The following SMYD3 variants were observed in gnomAD, a reference collection of about 807,000 sequenced individuals.
The protein encoded by SMYD3 is SET and MYND domain containing 3.
In SMYD3, 36 loss-of-function variants were observed where a neutral mutation model predicts 57.7. The ratio of observed to expected loss-of-function variants is 0.62; its 90% CI spans 0.48 to 0.82. The LOEUF (loss-of-function observed/expected upper bound fraction) is 0.82, where lower values mean the gene tolerates loss of function less well. SMYD3 is among the 40% of genes least tolerant of loss of function. The probability of loss-of-function intolerance (pLI) is 0.00; values close to 1 mark genes in which losing one functional copy is unlikely to be tolerated. For missense variants in SMYD3, 515 were observed against 538.8 expected (o/e 0.96, Z 0.44); for synonymous variants, 211 against 195.0 (o/e 1.08, Z -0.68).
chr1:246,179,548 C>T (rs1476894381), intron 5 of SMYD3, among the ~76,000 whole-genome samples: 1 of 152,168 alleles, frequency 6.6e-6, no homozygotes, highest in East Asian at 1.9e-4. Context: ...TCTTATGAGA[C>T]AGCTGATTTA....
chr1:245,939,374 C>T (rs558263666), intron 5 of SMYD3, among the ~76,000 whole-genome samples: 1 of 152,166 alleles, frequency 6.6e-6, no homozygotes, highest in African/African-American at 2.4e-5. Context: ...ACCTGTAATC[C>T]CAACACTTTG....
intron 5 of SMYD3, among the ~76,000 whole-genome samples, chr1:246,013,453 T>C (rs1558151117): frequency 6.6e-6 from 1 of 152,242 alleles, no homozygotes; most frequent in Non-Finnish European, 1.5e-5. Flanking sequence ...GTGCTGGGGC[T>C]ACAGGCATGA....
chr1:246,230,181 T>C (rs1292715778), intron 5 of SMYD3, among the ~76,000 whole-genome samples: 1 of 152,230 alleles, frequency 6.6e-6, no homozygotes, highest in Non-Finnish European at 1.5e-5. Flanking sequence ...TCTTCTGAAC[T>C]ACATGCTATT....
intron 5 of SMYD3, among the ~76,000 whole-genome samples, chr1:245,985,933 C>A (rs562106280): frequency 6.6e-6 from 1 of 152,088 alleles, no homozygotes; most frequent in Admixed American, 6.5e-5. Flanking sequence ...CCTAACACTG[C>A]GCCATTCAAA....
At chr1:246,481,161 A>C (rs2068094147) in intron 1 of SMYD3, among the ~76,000 whole-genome samples, 1 of 152,142 alleles carries the variant, frequency 6.6e-6, no homozygotes, top group Admixed American at 6.5e-5. Flanking sequence ...TAGACTATAG[A>C]TGTAATTAAT....
intron 1 of SMYD3, among the ~76,000 whole-genome samples, chr1:246,402,681 C>T (rs748275509): frequency 6.6e-6 from 1 of 152,190 alleles, no homozygotes; most frequent in Non-Finnish European, 1.5e-5. Context: ...CTATGTGAGG[C>T]TTCCTAAACA....
Position 245,868,751 on chromosome 1 carries a change from G to A in SMYD3, c.814-4865C>T, listed in dbSNP as rs549001554. On this transcript the variant is annotated intron_variant, in intron 8 of 11. Coordinates refer to ENST00000490107, the MANE Select transcript of SMYD3 (RefSeq NM_001167740.2). ...TCACCTCCCTGGAGTGTTCCACTAC[G>A]GTAACTGCCTCTCAGGTTCCAACTT... Among the ~76,000 whole-genome samples, 26 of 152,178 alleles carry A rather than the reference G, an allele frequency of 1.7e-4. No homozygotes were observed. In the East Asian group the frequency reaches 3.5e-3, roughly 20 times the overall value.
intron 1 of SMYD3, among the ~76,000 whole-genome samples, chr1:246,368,147 C>T (rs542480495): frequency 6.6e-6 from 1 of 152,270 alleles, no homozygotes; most frequent in East Asian, 1.9e-4. Flanking sequence ...CTTCAGTCTT[C>T]CAGTATACAA....
At chr1:245,827,977 A>G (rs189056006) in intron 10 of SMYD3, among the ~76,000 whole-genome samples, 15 of 152,340 alleles carry the variant, frequency 9.8e-5, no homozygotes, top group African/African-American at 3.6e-4. Flanking sequence ...GTGGGCAGAC[A>G]CGAGGAAAGA....
chr1:246,055,056 G>A (rs1240816311), intron 5 of SMYD3, among the ~76,000 whole-genome samples: 1 of 151,848 alleles, frequency 6.6e-6, no homozygotes, highest in Non-Finnish European at 1.5e-5. Flanking sequence ...GGCACCTGTA[G>A]TCCCAGCTAC....
intron 1 of SMYD3, among the ~76,000 whole-genome samples, chr1:246,454,255 T>C (rs1480001009): frequency 2.6e-5 from 4 of 152,032 alleles, no homozygotes; most frequent in Non-Finnish European, 5.9e-5. Context: ...CCATAATCAG[T>C]CAGTCAGTCA....
chr1:246,505,667 CCA>C (rs2068526637), intron 1 of SMYD3, among the ~76,000 whole-genome samples: 1 of 151,786 alleles, frequency 6.6e-6, no homozygotes, highest in Admixed American at 6.6e-5. Flanking sequence ...GCTTAAATCC[CCA>C]GTTACTGCAA....
intron 8 of SMYD3, among the ~76,000 whole-genome samples, chr1:245,903,532 G>A (rs532027865): frequency 4.6e-5 from 7 of 152,222 alleles, no homozygotes; most frequent in African/African-American, 1.4e-4. Flanking sequence ...CGCCAGATGA[G>A]CATTCACAGT....
At chr1:246,021,484 C>T (rs184527426) in intron 5 of SMYD3, among the ~76,000 whole-genome samples, 61 of 152,282 alleles carry the variant, frequency 4.0e-4, no homozygotes, top group Middle Eastern at 6.8e-3. Context: ...GAAGGACTAA[C>T]GTCCACAGAC....
intron 10 of SMYD3, among the ~76,000 whole-genome samples, chr1:245,847,309 A>G (rs1251917009): frequency 6.6e-6 from 1 of 152,214 alleles, no homozygotes. Flanking sequence ...ATCAAATATT[A>G]TAAGGTCTGA....
At chr1:246,166,164 T>C (rs1371328742) in intron 5 of SMYD3, among the ~76,000 whole-genome samples, 2 of 151,988 alleles carry the variant, frequency 1.3e-5, no homozygotes, top group African/African-American at 2.4e-5. Flanking sequence ...TTTAGTGCAG[T>C]GTATGTGTCA....
intron 5 of SMYD3, among the ~76,000 whole-genome samples, chr1:246,130,836 T>C (rs931860634): frequency 3.9e-5 from 6 of 152,204 alleles, no homozygotes; most frequent in Non-Finnish European, 8.8e-5. Context: ...ATTATCGTTC[T>C]AAATCGTCAT....
rs937883222 is a variant in SMYD3, at chr1:246,203,579, G to A, written c.531+123622C>T. 3.3e-5 allele frequency among the ~76,000 whole-genome samples: 5 copies of A among 152,342 alleles called. No individual in the cohort carries two copies. The East Asian group carries it at 9.6e-4, about 29-fold the overall frequency. On this transcript the variant is annotated intron_variant, in intron 5 of 11. Transcript: ENST00000490107. This position sits in a 1 kb window ranked among gnomAD's most constrained non-coding sequence, Gnocchi z 4.6. ...GGCAGTCCCTCTGCGCACATGTGCT[G>A]TTGGTGTCTCTTCCTCTTCCTACAA...
At chr1:245,985,437 CCTTT>C (rs1439465945) in intron 5 of SMYD3, among the ~76,000 whole-genome samples, 2 of 152,166 alleles carry the variant, frequency 1.3e-5, no homozygotes, top group Admixed American at 6.5e-5. Context: ...TGTTCCCCTT[CCTTT>C]ATTTTTTACC....
Sources: allele counts gnomAD v4.1 joint callset (sites outside exome capture counted in the v4.1 genomes callset), GRCh38; gene constraint gnomAD v4.1.1; non-coding constraint Gnocchi (gnomAD v3.1); transcripts MANE v1.5; gene names NCBI Gene and HGNC (gene_info 2026-07-23, HGNC 2026-07-21).